Variants in WDR27 observed in about 807,000 individuals in gnomAD.
The protein encoded by WDR27 is WD repeat domain 27.
Under a neutral mutation model 114.4 loss-of-function variants are expected in WDR27, and 100 were observed. The ratio of observed to expected loss-of-function variants is 0.87; its 90% CI spans 0.74 to 1.03. WDR27 has a LOEUF of 1.03. Among genes scored for constraint, WDR27 ranks in the 50% least tolerant of loss-of-function variants. The pLI, the probability that WDR27 is intolerant of heterozygous loss-of-function variation, is 0.00. For missense variants in WDR27, 1,129 were observed against 1,092.9 expected (o/e 1.03, Z -0.47); for synonymous variants, 449 against 423.1 (o/e 1.06, Z -0.75).
chr6:169,553,630 G>C (rs990686169), intron 25 of WDR27, among the ~76,000 whole-genome samples: 1 of 152,096 alleles, frequency 6.6e-6, no homozygotes, highest in African/African-American at 2.4e-5. Flanking sequence ...TTCTATATAA[G>C]GGAATGATAA....
At chr6:169,610,877 A>C (rs929261516) in intron 22 of WDR27, among the ~76,000 whole-genome samples, 2 of 152,142 alleles carry the variant, frequency 1.3e-5, no homozygotes, top group African/African-American at 4.8e-5. Context: ...GGTATGATTG[A>C]ATTTGGAGAC....
chr6:169,446,786 T>C, the WDR27 span, among the ~76,000 whole-genome samples: 1 of 152,226 alleles, frequency 6.6e-6, no homozygotes, highest in Non-Finnish European at 1.5e-5. Context: ...GGAGTCACTG[T>C]GATAACCACT....
At chr6:169,662,273 A>T in intron 9 of WDR27, 31 bp downstream of exon 9, 1 of 1,606,414 alleles carries the variant, frequency 6.2e-7, no homozygotes, top group Admixed American at 1.7e-5. Flanking sequence ...GGTTTCCTTT[A>T]TGTGGCATAG....
intron 10 of WDR27, among the ~76,000 whole-genome samples, chr6:169,660,027 C>T (rs999646378): frequency 6.6e-6 from 1 of 151,830 alleles, no homozygotes; most frequent in Non-Finnish European, 1.5e-5. Context: ...AAGGAGGCAC[C>T]GAGAGGAGCA....
At chr6:169,598,214 G>A (rs777205637) in intron 23 of WDR27, among the ~76,000 whole-genome samples, 3 of 152,150 alleles carry the variant, frequency 2.0e-5, no homozygotes, top group Non-Finnish European at 4.4e-5. Flanking sequence ...TTGGATTTAG[G>A]GTGGGCTGTA....
chr6:169,642,488 G>A lies in WDR27; in HGVS notation c.1747+1209C>T, dbSNP rs376505913. On this transcript the variant is annotated intron_variant, in intron 17 of 25. Transcript: ENST00000448612. Reference sequence around the variant, plus strand: ...AAAGAGGCCGGCTCAGGGCTCCCAGGTGCACTGTGAAGATTCTGAGGCTGC... The same window carrying A: ...AAAGAGGCCGGCTCAGGGCTCCCAGATGCACTGTGAAGATTCTGAGGCTGC... 1.1e-4 allele frequency among the ~76,000 whole-genome samples: 16 copies of A among 152,292 alleles called. No individual in the cohort carries two copies. In the East Asian group the frequency reaches 2.1e-3, roughly 20 times the overall value.
intron 2 of WDR27, among the ~76,000 whole-genome samples, chr6:169,681,491 G>A (rs77747834): frequency 0.035 from 5,381 of 152,324 alleles, 129 homozygotes; most frequent in Middle Eastern, 0.061. Context: ...AAGCGTGCTC[G>A]TAGCTTCAAG....
intron 23 of WDR27, among the ~76,000 whole-genome samples, chr6:169,584,646 T>C (rs193281028): frequency 2.7e-4 from 41 of 152,352 alleles, no homozygotes; most frequent in Non-Finnish European, 5.7e-4. Context: ...TGCATTTCCC[T>C]TATGATTAGT....
intron 22 of WDR27, among the ~76,000 whole-genome samples, chr6:169,604,976 C>T (rs1258468058): frequency 1.3e-5 from 2 of 151,684 alleles, no homozygotes; most frequent in South Asian, 4.2e-4. Context: ...ATACAACAGT[C>T]CAATAGCCAA....
chr6:169,651,741 T>TTGC (rs1822624249), intron 14 of WDR27, among the ~76,000 whole-genome samples, 189 bp downstream of exon 14: 1 of 152,184 alleles, frequency 6.6e-6, no homozygotes, highest in Admixed American at 6.5e-5. Flanking sequence ...CAGGAAACGT[T>TTGC]TGCTGCTGCA....
intron 25 of WDR27, among the ~76,000 whole-genome samples, chr6:169,514,648 A>T (rs1246826578): frequency 1.3e-5 from 2 of 148,670 alleles, no homozygotes; most frequent in African/African-American, 4.9e-5. Context: ...CAATATTTTA[A>T]AAGGTTAATA....
chr6:169,658,004 G>C (rs1010481082), intron 13 of WDR27: 3 of 323,650 alleles, frequency 9.3e-6, no homozygotes, highest in African/African-American at 4.1e-5. Context: ...CACCCCCACT[G>C]CAACAGGCAC....
At chr6:169,522,437 T>C (rs762317343) in intron 25 of WDR27, among the ~76,000 whole-genome samples, 1 of 151,944 alleles carries the variant, frequency 6.6e-6, no homozygotes, top group Non-Finnish European at 1.5e-5. Context: ...TCAACAAATA[T>C]TGGAGTTAAG....
chr6:169,482,133 T>G (rs769773834), intron 25 of WDR27, among the ~76,000 whole-genome samples: 1 of 152,218 alleles, frequency 6.6e-6, no homozygotes, highest in African/African-American at 2.4e-5. Context: ...TGATCTTATC[T>G]TTTTTTATGG....
intron 21 of WDR27, among the ~76,000 whole-genome samples, chr6:169,623,132 T>C (rs570192029): frequency 3.3e-5 from 5 of 152,220 alleles, no homozygotes; most frequent in African/African-American, 9.6e-5. Flanking sequence ...ATATTTTGCA[T>C]ACCCTGCACT....
chr6:169,605,421 A>T lies in WDR27; in HGVS notation c.2322-3100T>A, dbSNP rs182736645. Among the ~76,000 whole-genome samples, 318 of 152,082 alleles carry T rather than the reference A, an allele frequency of 2.1e-3. 1 individual carries two copies. Among genetic ancestry groups the T allele is most frequent in the African/African-American group, 7.4e-3 (306 of 41,544 alleles). On this transcript the variant is annotated intron_variant, in intron 22 of 25. Coordinates refer to ENST00000448612, the MANE Select transcript of WDR27 (RefSeq NM_182552.5). ...TTAACCAAGGAGGTAAAAGGTCTCA[A>T]TACGGAAAACTATAAAACATCAATG... is the stretch of plus-strand genomic sequence containing the variant.
At chr6:169,658,868 T>C (rs1825105220) in intron 12 of WDR27, among the ~76,000 whole-genome samples, 1 of 152,094 alleles carries the variant, frequency 6.6e-6, no homozygotes, top group Non-Finnish European at 1.5e-5. Context: ...TTGTATTTTT[T>C]AGTAGAGATG....
At chr6:169,642,551 G>A (rs953656203) in intron 17 of WDR27, among the ~76,000 whole-genome samples, 3 of 152,158 alleles carry the variant, frequency 2.0e-5, no homozygotes, top group Admixed American at 6.5e-5. Context: ...CAAGGCGCTC[G>A]AAGGGCAAGG....
At chr6:169,522,670 G>A (rs1474063736) in intron 25 of WDR27, among the ~76,000 whole-genome samples, 1 of 151,338 alleles carries the variant, frequency 6.6e-6, no homozygotes, top group Non-Finnish European at 1.5e-5. Context: ...GAGAAACCTT[G>A]GAAAATACAC....
Sources: allele counts gnomAD v4.1 joint callset (sites outside exome capture counted in the v4.1 genomes callset), GRCh38; gene constraint gnomAD v4.1.1; transcripts MANE v1.5; gene names NCBI Gene and HGNC (gene_info 2026-07-23, HGNC 2026-07-21).